TG: variants seen among roughly 807,000 people sequenced by gnomAD.
TG encodes thyroglobulin, also known as thyroid hormones.
Under a neutral mutation model 324.7 loss-of-function variants are expected in TG, and 270 were observed. That is an observed-to-expected ratio of 0.83 (90% confidence interval 0.75 to 0.92). The LOEUF (loss-of-function observed/expected upper bound fraction) is 0.92, where lower values mean the gene tolerates loss of function less well. Among genes scored for constraint, TG ranks in the 40% least tolerant of loss-of-function variants. The probability of loss-of-function intolerance (pLI) is 0.00; values close to 1 mark genes in which losing one functional copy is unlikely to be tolerated. For synonymous variants in TG, 1,401 were observed against 1,327.0 expected (o/e 1.06, Z -1.21); for missense variants, 3,591 against 3,456.4 (o/e 1.04, Z -0.98).
intron 45 of TG, among the ~76,000 whole-genome samples, chr8:133,129,496 A>C (rs1416300775): frequency 2.0e-5 from 3 of 152,128 alleles, no homozygotes; most frequent in Non-Finnish European, 4.4e-5. Flanking sequence ...GTCAATTATT[A>C]AACTTTTTTC....
chr8:132,877,883 A>C (rs1216099072), intron 5 of TG, among the ~76,000 whole-genome samples: 1 of 152,180 alleles, frequency 6.6e-6, no homozygotes, highest in East Asian at 1.9e-4. Context: ...AGTCCAAAAT[A>C]TGGTATTTTT....
intron 45 of TG, 138 bp from the exon 46 acceptor site, chr8:133,131,674 C>T (rs1243066608): frequency 3.1e-6 from 4 of 1,306,276 alleles, no homozygotes; most frequent in Non-Finnish European, 4.2e-6. Context: ...CAACTGGGCC[C>T]TAAACAGGAT....
intron 41 of TG, among the ~76,000 whole-genome samples, chr8:133,079,293 C>T: frequency 6.6e-6 from 1 of 152,212 alleles, no homozygotes; most frequent in Admixed American, 6.5e-5. Flanking sequence ...TTAGAATTAA[C>T]TACTGGGGCC....
intron 41 of TG, among the ~76,000 whole-genome samples, chr8:133,041,812 G>A (rs147746099): frequency 0.022 from 3,082 of 139,530 alleles, 117 homozygotes; most frequent in African/African-American, 0.08. Flanking sequence ...TTTTTTAGAC[G>A]GAGTCTTGCT....
chr8:132,910,947 G>A (rs1018631448), intron 18 of TG, among the ~76,000 whole-genome samples: 2 of 152,204 alleles, frequency 1.3e-5, no homozygotes, highest in Non-Finnish European at 2.9e-5. Flanking sequence ...CAGAAATTCA[G>A]TGGGCACAAC....
In TG at chr8:132,929,109, A is replaced by C. The variant is rs1822310350; in HGVS notation, c.4733A>C (p.Lys1578Thr). 6.2e-7 allele frequency: 1 copy of C among 1,613,980 alleles called. No individual in the cohort carries two copies. Among genetic ancestry groups the C allele is most frequent in the Admixed American group, 1.7e-5 (1 of 60,006 alleles). The stretch of plus-strand genomic sequence containing the variant: ...AAGTTTGAGAAGGTTCCAGAATCAA[A>C]GGTGATCTTCGACGCCAATGCTCCT... ...MQKFEKVPES[K>T]VIFDANAPVA... Residue 1578 changes from lysine to threonine, a missense_variant, in exon 23 of 48, where the codon AAG becomes ACG. Transcript: ENST00000220616.
At chr8:133,050,038 C>A (rs752831556) in intron 41 of TG, 1 of 1,187,316 alleles carries the variant, frequency 8.4e-7, no homozygotes, top group Non-Finnish European at 1.3e-6. Flanking sequence ...AATAGCAAAA[C>A]CAAAGGATGA....
chr8:132,880,839 T>G (rs1171220401), intron 5 of TG, among the ~76,000 whole-genome samples: 1 of 152,254 alleles, frequency 6.6e-6, no homozygotes, highest in Non-Finnish European at 1.5e-5. Flanking sequence ...TTAAGCATTG[T>G]CCTCAATCAT....
chr8:132,989,753 A>G (rs1364842929), intron 35 of TG, among the ~76,000 whole-genome samples: 5 of 152,210 alleles, frequency 3.3e-5, no homozygotes, highest in African/African-American at 4.8e-5. Flanking sequence ...TTTTTCATTA[A>G]GCTGGAAACA....
rs1219308627 is a variant in TG, at chr8:132,893,715, G to A, written c.2787G>A (p.Lys929=). The change falls in exon 11 of 48, where the codon AAG becomes AAA. Residue 929 remains lysine, a synonymous_variant. Transcript: ENST00000220616. Reference sequence around the variant, plus strand: ...GTCCTGGCTCCTGTGAGGAAGCAAAGCTCCGTGTACTGCAGTTCATTAGGG... The same window carrying A: ...GTCCTGGCTCCTGTGAGGAAGCAAAACTCCGTGTACTGCAGTTCATTAGGG... The part of the protein sequence containing the change: ...PTCPGSCEEA[K]LRVLQFIRET... The A allele has an allele frequency of 3.1e-6, 5 of 1,613,916 alleles. No homozygotes were observed. Among genetic ancestry groups the A allele is most frequent in the Middle Eastern group, 3.3e-4 (2 of 6,060 alleles).
intron 41 of TG, among the ~76,000 whole-genome samples, chr8:133,090,666 C>G (rs1847354570): frequency 6.6e-6 from 1 of 152,178 alleles, no homozygotes; most frequent in Non-Finnish European, 1.5e-5. Flanking sequence ...AATTACACAT[C>G]AGGTATTTTC....
chr8:132,966,566 C>T lies in TG; in HGVS notation c.5555C>T (p.Thr1852Ile). Residue 1852 changes from threonine (T) to isoleucine (I), a missense_variant, in exon 30 of 48, where the codon ACA (threonine) becomes ATA (isoleucine). Coordinates refer to ENST00000220616, the MANE Select transcript of TG (RefSeq NM_003235.5). ...CTCCCTGCTTCTTTTTCAGGTTTGA[C>T]AACAGAACTTTTCTCCCCTGTGGAC... is the stretch of plus-strand genomic sequence containing the variant. The part of the protein sequence containing the change: ...RPASPTEAGL[T>I]TELFSPVDLN... 2 of 1,613,996 alleles carry T rather than the reference C, an allele frequency of 1.2e-6. No homozygotes were observed. The highest frequency in any genetic ancestry group is 4.5e-5 in the East Asian group (2 of 44,864).
chr8:133,021,905 G>A lies in TG; in HGVS notation c.6877-86G>A, dbSNP rs1034106868. ...GTATGCCACAGAGCTGGCCAGAGGA[G>A]TCCTGTGTCAACCAAGAATCAGGCT... is the stretch of plus-strand genomic sequence containing the variant. On this transcript the variant is annotated intron_variant, in intron 39 of 47. Transcript: ENST00000220616. The A allele has an allele frequency of 3.9e-6, 6 of 1,553,124 alleles. No homozygotes were observed. The Admixed American group carries it at 1.0e-4, about 26-fold the overall frequency.
At position 132,962,989 on chromosome 8, in the gene TG, C is replaced by T. The variant is rs767055988; in HGVS notation, c.5468-5C>T. ...CATTGCAACAACTCTTTTTTTTCCT[C>T]CTAGATTCTGACATGGGGTCTCGGC... On this transcript the variant is annotated splice_region_variant and splice_polypyrimidine_tract_variant and intron_variant, in intron 28 of 47. Transcript: ENST00000220616. The T allele has an allele frequency of 3.4e-5, 55 of 1,613,560 alleles. 1 individual carries two copies. In the South Asian group the frequency reaches 6.0e-4, roughly 18 times the overall value.
At chr8:133,005,038 T>C (rs549156959) in intron 35 of TG, among the ~76,000 whole-genome samples, 75 of 152,282 alleles carry the variant, frequency 4.9e-4, no homozygotes, top group African/African-American at 1.7e-3. Context: ...AAACATTCCC[T>C]GAGGAAAGAA....
intron 34 of TG, among the ~76,000 whole-genome samples, chr8:132,977,044 A>G (rs995042155): frequency 5.3e-5 from 8 of 152,232 alleles, no homozygotes; most frequent in African/African-American, 1.9e-4. Context: ...GAGCCAAAAC[A>G]CACTTATTAG....
intron 41 of TG, 137 bp from the exon 42 acceptor site, chr8:133,094,907 T>C (rs1001896167): frequency 1.2e-4 from 130 of 1,127,956 alleles, no homozygotes; most frequent in Non-Finnish European, 3.5e-5. Flanking sequence ...TCCCATTGTG[T>C]GCAGCCCCAG....
At chr8:132,975,801 T>C (rs1830107186) in intron 34 of TG, among the ~76,000 whole-genome samples, 1 of 152,182 alleles carries the variant, frequency 6.6e-6, no homozygotes, top group South Asian at 2.1e-4. Flanking sequence ...TGGACACAAG[T>C]CTTTCTGACC....
At chr8:132,997,116 A>G (rs922799508) in intron 35 of TG, among the ~76,000 whole-genome samples, 16 of 152,220 alleles carry the variant, frequency 1.1e-4, no homozygotes, top group Admixed American at 1.0e-3. Context: ...ATTTATTCAG[A>G]CTTTCCTTGT....
Sources: allele counts gnomAD v4.1 joint callset (sites outside exome capture counted in the v4.1 genomes callset), GRCh38; gene constraint gnomAD v4.1.1; transcripts MANE v1.5; gene names NCBI Gene and HGNC (gene_info 2026-07-23, HGNC 2026-07-21).